Variants in NLGN1 observed in about 807,000 individuals in gnomAD.
NLGN1 encodes the protein neuroligin-1.
In NLGN1, 12 loss-of-function variants were observed where a neutral mutation model predicts 65.5. The ratio of observed to expected loss-of-function variants is 0.18; its 90% CI spans 0.12 to 0.30. The LOEUF (loss-of-function observed/expected upper bound fraction) is 0.30, where lower values mean the gene tolerates loss of function less well. NLGN1 is among the 10% of genes least tolerant of loss of function. NLGN1 has a pLI of 1.00. For synonymous variants in NLGN1, 350 were observed against 359.5 expected (o/e 0.97, Z 0.30); for missense variants, 750 against 1,007.1 (o/e 0.74, Z 3.46).
intron 3 of NLGN1, among the ~76,000 whole-genome samples, chr3:173,775,239 A>G (rs1205569731): frequency 6.6e-6 from 1 of 152,122 alleles, no homozygotes; most frequent in Non-Finnish European, 1.5e-5. Flanking sequence ...TTTAAATGCA[A>G]TCCGTTATTA....
At chr3:173,829,717 A>G (rs1445883107) in intron 4 of NLGN1, among the ~76,000 whole-genome samples, 1 of 152,136 alleles carries the variant, frequency 6.6e-6, no homozygotes, top group Non-Finnish European at 1.5e-5. Flanking sequence ...AGTTTGTACC[A>G]TTTGACCAAC....
At chr3:173,893,451 C>T (rs1477183578) in intron 4 of NLGN1, among the ~76,000 whole-genome samples, 1 of 152,102 alleles carries the variant, frequency 6.6e-6, no homozygotes, top group Non-Finnish European at 1.5e-5. Flanking sequence ...ATTGTACGGG[C>T]CATATGATAT....
At chr3:174,080,667 T>C (rs1741972401) in intron 4 of NLGN1, among the ~76,000 whole-genome samples, 1 of 151,980 alleles carries the variant, frequency 6.6e-6, no homozygotes, top group South Asian at 2.1e-4. Context: ...TAGGTTAGAC[T>C]CCACCATTTT....
chr3:174,018,336 A>T (rs938040289), intron 4 of NLGN1, among the ~76,000 whole-genome samples: 2 of 152,150 alleles, frequency 1.3e-5, no homozygotes, highest in Non-Finnish European at 2.9e-5. Context: ...GCTTACGAAG[A>T]TGACAGGATT....
chr3:173,985,851 G>A (rs1170491626), intron 4 of NLGN1, among the ~76,000 whole-genome samples: 1 of 152,076 alleles, frequency 6.6e-6, no homozygotes, highest in Non-Finnish European at 1.5e-5. Context: ...TATGGAGGCT[G>A]AGGCAGGAGA....
intron 3 of NLGN1, among the ~76,000 whole-genome samples, chr3:173,684,174 T>C (rs1764358826): frequency 6.6e-6 from 1 of 152,132 alleles, no homozygotes. Flanking sequence ...TATTAACTTT[T>C]CAAAAAAAAT....
At chr3:173,608,529 CTGTT>C (rs1420403184) in intron 3 of NLGN1, among the ~76,000 whole-genome samples, 2 of 151,044 alleles carry the variant, frequency 1.3e-5, no homozygotes. Flanking sequence ...ATTACTCTGT[CTGTT>C]TTTTAATTTT....
chr3:173,980,638 A>G (rs959216698), intron 4 of NLGN1, among the ~76,000 whole-genome samples: 3 of 152,094 alleles, frequency 2.0e-5, no homozygotes, highest in African/African-American at 7.2e-5. Context: ...ATGAAAGTTG[A>G]TATGTTTTCA....
intron 4 of NLGN1, among the ~76,000 whole-genome samples, chr3:173,988,093 A>ACTGGT (rs1720332336): frequency 6.6e-6 from 1 of 152,208 alleles, no homozygotes; most frequent in South Asian, 2.1e-4. Flanking sequence ...GCCCACTTTT[A>ACTGGT]AAATGTAGCT....
intron 4 of NLGN1, among the ~76,000 whole-genome samples, chr3:173,982,095 T>C (rs1486717628): frequency 6.6e-6 from 1 of 152,132 alleles, no homozygotes. Context: ...TGTCGCAGCA[T>C]TAATTGACAT....
chr3:173,409,297 C>T (rs982369714), intron 1 of NLGN1, among the ~76,000 whole-genome samples: 1 of 152,098 alleles, frequency 6.6e-6, no homozygotes, highest in Non-Finnish European at 1.5e-5. Context: ...TATCTATCTA[C>T]CTCTGTTTAT....
chr3:173,628,911 C>G (rs1755222108), intron 3 of NLGN1, among the ~76,000 whole-genome samples: 2 of 151,872 alleles, frequency 1.3e-5, no homozygotes, highest in African/African-American at 4.8e-5. Context: ...CCAGGCTGGT[C>G]TCGAACTCCT....
chr3:173,893,911 C>T (rs573861252), intron 4 of NLGN1, among the ~76,000 whole-genome samples: 13 of 152,314 alleles, frequency 8.5e-5, no homozygotes, highest in African/African-American at 1.7e-4. Flanking sequence ...TCTTTGGCCT[C>T]GTGCTACTCA....
At chr3:173,506,915 TGTCACAAGTTGTACATTTAAACTCA>T (rs1159643512) in intron 2 of NLGN1, among the ~76,000 whole-genome samples, 1 of 152,160 alleles carries the variant, frequency 6.6e-6, no homozygotes, top group Non-Finnish European at 1.5e-5. Flanking sequence ...TGAAAAAGAA[TGTCACAAGTTGTACATTTAAACTCA>T]GTTGTAACAC....
At chr3:173,675,134 A>T (rs1393761328) in intron 3 of NLGN1, among the ~76,000 whole-genome samples, 1 of 152,150 alleles carries the variant, frequency 6.6e-6, no homozygotes, top group African/African-American at 2.4e-5. Flanking sequence ...AATTTTGGAC[A>T]TAGCATAAAG....
intron 3 of NLGN1, among the ~76,000 whole-genome samples, chr3:173,686,994 A>C (rs1275434018): frequency 1.3e-5 from 2 of 152,130 alleles, no homozygotes; most frequent in Admixed American, 1.3e-4. Context: ...CTCTTTTGAA[A>C]TCTGAATTGT....
intron 4 of NLGN1, among the ~76,000 whole-genome samples, chr3:173,957,912 G>A (rs753273455): frequency 2.8e-4 from 43 of 152,218 alleles, no homozygotes; most frequent in Non-Finnish European, 6.0e-4. Flanking sequence ...TGAGTTAAGT[G>A]TGGAACAGCA....
chr3:173,861,975 G>A (rs1729195298), intron 4 of NLGN1, among the ~76,000 whole-genome samples: 1 of 151,510 alleles, frequency 6.6e-6, no homozygotes, highest in Admixed American at 6.6e-5. Context: ...TACCATGTTG[G>A]CCAGGCTGGT....
intron 4 of NLGN1, among the ~76,000 whole-genome samples, chr3:173,993,917 A>AGTGT (rs368688763): frequency 6.6e-6 from 1 of 150,702 alleles, no homozygotes; most frequent in Non-Finnish European, 1.5e-5. Context: ...TATGTATATG[A>AGTGT]GTGTGTGTGT....
Sources: allele counts gnomAD v4.1 joint callset (sites outside exome capture counted in the v4.1 genomes callset), GRCh38; gene constraint gnomAD v4.1.1; transcripts MANE v1.5; gene names NCBI Gene and HGNC (gene_info 2026-07-23, HGNC 2026-07-21).